The following PIK3C3 variants were observed in gnomAD, a reference collection of about 807,000 sequenced individuals.
PIK3C3 encodes phosphatidylinositol 3-kinase catalytic subunit type 3, also known as PI3-kinase type 3.
Under a neutral mutation model 126.1 loss-of-function variants are expected in PIK3C3, and 95 were observed. The ratio of observed to expected loss-of-function variants is 0.75; its 90% CI spans 0.64 to 0.89. The LOEUF (loss-of-function observed/expected upper bound fraction) is 0.89. Ranked by LOEUF, PIK3C3 falls within the 40% of genes least tolerant of loss-of-function variation. PIK3C3 has a pLI of 0.00. For missense variants in PIK3C3, 829 were observed against 1,063.2 expected, an observed-to-expected ratio of 0.78 and a Z score of 3.06; for synonymous variants, 374 against 360.0, an observed-to-expected ratio of 1.04 and a Z score of -0.44.
In PIK3C3 at chr18:42,078,438, A is replaced by G. The variant is rs146860938; in HGVS notation, c.2650-2685A>G. 1.7e-3 allele frequency among the ~76,000 whole-genome samples: 256 copies of G among 151,802 alleles called. 1 individual carries two copies. The highest frequency in any genetic ancestry group is 5.7e-3 in the African/African-American group (237 of 41,428). ...TCAGTAAACCATATTATAAACAAAT[A>G]TGATATCATCCAAGCTACTGTTTCA... On this transcript the variant is annotated intron_variant, in intron 24 of 24. Coordinates refer to ENST00000262039, the MANE Select transcript of PIK3C3 (RefSeq NM_002647.4).
chr18:41,987,167 A>ATTGG (rs1981523295), intron 4 of PIK3C3, among the ~76,000 whole-genome samples: 1 of 152,078 alleles, frequency 6.6e-6, no homozygotes, highest in South Asian at 2.1e-4. Flanking sequence ...ACCTGGTTCT[A>ATTGG]ATTTGAGGTC....
intron 1 of PIK3C3, 107 bp downstream of exon 1, chr18:41,955,466 C>A: frequency 1.1e-6 from 1 of 946,106 alleles, no homozygotes; most frequent in Non-Finnish European, 1.7e-6. Flanking sequence ...GTCTCAAGGC[C>A]CAGATTGGGG....
chr18:42,008,941 T>C (rs2144393136), intron 10 of PIK3C3, among the ~76,000 whole-genome samples: 1 of 152,236 alleles, frequency 6.6e-6, no homozygotes, highest in Admixed American at 6.5e-5. Context: ...ACCGCAGCCT[T>C]TTTTATGTTA....
intron 23 of PIK3C3, 44 bp from the exon 24 acceptor site, chr18:42,067,344 C>G: frequency 6.3e-7 from 1 of 1,593,752 alleles, no homozygotes; most frequent in Non-Finnish European, 8.6e-7. Flanking sequence ...TCAAAATGTG[C>G]CCTATTTTTC....
chr18:41,981,532 A>G (rs527582135), intron 4 of PIK3C3, among the ~76,000 whole-genome samples: 7 of 152,336 alleles, frequency 4.6e-5, no homozygotes, highest in African/African-American at 1.2e-4. Context: ...AGAAACTTCT[A>G]TGCTTGCCAA....
intron 21 of PIK3C3, chr18:42,053,156 C>T (rs1475936896): frequency 6.6e-6 from 1 of 152,094 alleles, no homozygotes; most frequent in Admixed American, 6.6e-5. Context: ...CTATTCTACC[C>T]TGTAAATATA....
In PIK3C3 at chr18:42,033,822, C is replaced by G. The variant is rs1437744332; in HGVS notation, c.1708-4C>G. The G allele has an allele frequency of 6.3e-7, 1 of 1,591,290 alleles. No homozygotes were observed. Among genetic ancestry groups the G allele is most frequent in the Non-Finnish European group, 8.6e-7 (1 of 1,166,720 alleles). On this transcript the variant is annotated splice_polypyrimidine_tract_variant and splice_region_variant and intron_variant, in intron 15 of 24. Transcript: ENST00000262039. ...CCTCATTAATCCTTTCTGATTTGTT[C>G]TAGAATGAGAGACTACAGGCATTGC...
At position 42,060,793 on chromosome 18, in the gene PIK3C3, T is replaced by A. The variant is rs180804752; in HGVS notation, c.2432+2742T>A. On this transcript the variant is annotated intron_variant, in intron 22 of 24. Transcript: ENST00000262039. ...CTCTGTCTCAAAAAAAGAAAAAAAA[T>A]TTAAAAAAATGTGTTTAACTATCAA... Among the ~76,000 whole-genome samples, 11 of 151,884 alleles carry A rather than the reference T, an allele frequency of 7.2e-5. No individual in the cohort carries two copies. In the South Asian group the frequency reaches 8.4e-4, roughly 12 times the overall value.
Position 41,990,489 on chromosome 18 carries a change from C to A in PIK3C3, c.649C>A (p.Leu217Met). The change falls in exon 6 of 25, where the codon CTG (leucine) becomes ATG (methionine). Residue 217 changes from leucine to methionine, a missense_variant. Coordinates refer to ENST00000262039, the MANE Select transcript of PIK3C3 (RefSeq NM_002647.4). ...AAAACGAAGTTCTAATTTCATGTAC[C>A]TGATGGTTGAATTTCGATGTGTCAA... The part of the protein sequence containing the change: ...SEKRSSNFMY[L>M]MVEFRCVKCD... The A allele has an allele frequency of 6.3e-7, 1 of 1,597,576 alleles. No homozygotes were observed.
chr18:42,030,917 C>A (rs1045060948), intron 15 of PIK3C3, among the ~76,000 whole-genome samples: 3 of 152,150 alleles, frequency 2.0e-5, no homozygotes, highest in Admixed American at 6.5e-5. Flanking sequence ...CTTCTGGAGG[C>A]TGACCACCTA....
chr18:42,002,397 C>G (rs949132171), intron 9 of PIK3C3, among the ~76,000 whole-genome samples: 1 of 152,084 alleles, frequency 6.6e-6, no homozygotes, highest in Admixed American at 6.6e-5. Flanking sequence ...TTAGAATGTC[C>G]TATCATCTAG....
chr18:42,067,486 G>A lies in PIK3C3; in HGVS notation c.2622G>A (p.Val874=), dbSNP rs896154003. 3 of 1,613,948 alleles carry A rather than the reference G, an allele frequency of 1.9e-6. No homozygotes were observed. The Admixed American group carries it at 5.0e-5, about 27-fold the overall frequency. The stretch of plus-strand genomic sequence containing the variant: ...GTGTCCATGCTCTTTTTGCTGCAGT[G>A]GTGGAACAGATTCACAAGTTTGCCC... ...DESVHALFAA[V]VEQIHKFAQY... Residue 874 remains valine (V), a synonymous_variant, in exon 24 of 25, where the codon GTG becomes GTA. Coordinates refer to ENST00000262039, the MANE Select transcript of PIK3C3 (RefSeq NM_002647.4).
At chr18:42,008,938 C>G (rs567523705) in intron 10 of PIK3C3, among the ~76,000 whole-genome samples, 108 of 152,118 alleles carry the variant, frequency 7.1e-4, no homozygotes, top group African/African-American at 2.4e-3. Context: ...AATACCGCAG[C>G]CTTTTTTATG....
intron 4 of PIK3C3, chr18:41,971,010 G>A (rs796591065): frequency 6.5e-6 from 1 of 153,422 alleles, no homozygotes; most frequent in African/African-American, 2.4e-5. Flanking sequence ...CAATTAACTA[G>A]TATAAAGTTT....
intron 12 of PIK3C3, 41 bp from the exon 13 acceptor site, chr18:42,020,597 G>A: frequency 8.0e-7 from 1 of 1,255,560 alleles, no homozygotes; most frequent in South Asian, 1.3e-5. Flanking sequence ...CCCATTACTA[G>A]TAGATGATAA....
At chr18:41,994,684 C>T (rs147376534) in intron 7 of PIK3C3, among the ~76,000 whole-genome samples, 44 of 152,030 alleles carry the variant, frequency 2.9e-4, no homozygotes, top group African/African-American at 1.0e-3. Flanking sequence ...AAAATTATAT[C>T]CATAACTCAT....
At chr18:42,048,971 A>G (rs1250622057) in intron 20 of PIK3C3, among the ~76,000 whole-genome samples, 2 of 152,208 alleles carry the variant, frequency 1.3e-5, no homozygotes, top group East Asian at 3.8e-4. Flanking sequence ...TAAAAAGATA[A>G]CAGAATACAG....
intron 3 of PIK3C3, among the ~76,000 whole-genome samples, chr18:41,967,373 C>T (rs1418748221): frequency 2.0e-5 from 3 of 152,160 alleles, no homozygotes; most frequent in African/African-American, 7.2e-5. Context: ...ATTCTCATAA[C>T]TTAGGGAAAC....
At chr18:41,957,452 T>C in intron 1 of PIK3C3, 118 bp from the exon 2 acceptor site, 1 of 920,776 alleles carries the variant, frequency 1.1e-6, no homozygotes, top group Admixed American at 3.4e-5. Context: ...GTAAACTTTT[T>C]AGTACTTATG....
Sources: gnomAD v4.1 joint callset for allele counts (sites outside exome capture counted in the v4.1 genomes callset) on GRCh38, gnomAD v4.1.1 for gene constraint, MANE v1.5 for transcripts, NCBI Gene and HGNC (gene_info 2026-07-23, HGNC 2026-07-21) for gene names.